KAZN: variants seen among roughly 807,000 people sequenced by gnomAD.
KAZN encodes the protein kazrin.
A neutral mutation model predicts 87.4 loss-of-function variants in KAZN; 40 were observed. The observed-to-expected ratio is 0.46, with a 90% CI of 0.36 to 0.60. KAZN has a LOEUF of 0.60. KAZN is among the 20% of genes least tolerant of loss of function. The pLI is 0.00. For missense variants in KAZN, 898 were observed against 1,073.9 expected, an observed-to-expected ratio of 0.84 and a Z score of 2.29; for synonymous variants, 466 against 458.3, an observed-to-expected ratio of 1.02 and a Z score of -0.22.
At position 15,104,061 on chromosome 1, in the gene KAZN, TGC is replaced by T. The variant is rs1641207124; in HGVS notation, c.1921_1922del (p.Ala641CysfsTer50). 1 of 1,613,636 alleles carries T rather than the reference TGC, an allele frequency of 6.2e-7. No homozygotes were observed. The highest frequency in any genetic ancestry group is 8.5e-7 in the Non-Finnish European group (1 of 1,179,846). ...DNLTNSGVHG[A>X]VLVLEPTFNA... Reference sequence around the variant, plus strand: ...ACCTGACCAACAGCGGCGTCCATGGTGCTGTGCTGGTGCTGGAGCCCACATTC... The same window carrying T: ...ACCTGACCAACAGCGGCGTCCATGGTTGTGCTGGTGCTGGAGCCCACATTC... On this transcript the variant is annotated frameshift_variant, in exon 13 of 15. Transcript: ENST00000376030. LOFTEE classifies it high-confidence loss of function.
intron 1 of KAZN, among the ~76,000 whole-genome samples, chr1:14,655,256 G>C (rs1374584679): frequency 1.3e-5 from 2 of 152,148 alleles, no homozygotes; most frequent in Non-Finnish European, 2.9e-5. Flanking sequence ...TGGGAGGCTA[G>C]GGGGTGTTTA....
chr1:14,479,895 G>GAA (rs1464958637), intron 2 of KAZN, among the ~76,000 whole-genome samples: 106 of 152,158 alleles, frequency 7.0e-4, no homozygotes, highest in African/African-American at 2.5e-3. Flanking sequence ...AAAGTGTGGA[G>GAA]CATCTGTTCA....
intron 2 of KAZN, among the ~76,000 whole-genome samples, chr1:14,977,787 T>C (rs750912829): frequency 1.1e-4 from 17 of 152,124 alleles, no homozygotes; most frequent in Non-Finnish European, 2.2e-4. Context: ...CAAGCAGTTT[T>C]CTGGTGGGAG....
chr1:14,181,235 C>T (rs1300014623), intron 2 of KAZN, among the ~76,000 whole-genome samples: 1 of 152,172 alleles, frequency 6.6e-6, no homozygotes, highest in Non-Finnish European at 1.5e-5. Context: ...GTTAGGGAAG[C>T]CAAACTGAGC....
chr1:14,411,318 C>T (rs573983989), intron 2 of KAZN, among the ~76,000 whole-genome samples: 1 of 152,024 alleles, frequency 6.6e-6, no homozygotes, highest in Non-Finnish European at 1.5e-5. Flanking sequence ...TTTTTGAGAC[C>T]GAGTCTCGCT....
intron 1 of KAZN, among the ~76,000 whole-genome samples, chr1:14,601,535 GTGGTCTGGTAGTTTCTTT>G (rs771816477): frequency 7.4e-4 from 112 of 152,130 alleles, no homozygotes; most frequent in Admixed American, 5.1e-3. Flanking sequence ...CTCTGCAGAG[GTGGTCTGGTAGTTTCTTT>G]TGCCATTGCT....
rs1003590230 is a variant in KAZN at position 15,067,823 on chromosome 1, G to A, written c.1222+2070G>A. The stretch of plus-strand genomic sequence containing the variant: ...GACCCAAGCTGGCATCTTTCTCTAC[G>A]GAGACAGATTTTAGAAAATACTTTT... On this transcript the variant is annotated intron_variant, in intron 8 of 14. Transcript: ENST00000376030. The A allele has an allele frequency of 1.5e-5, 15 of 982,890 alleles. No homozygotes were observed. The African/African-American group carries it at 2.3e-4, about 15-fold the overall frequency. The allele number at this position is 982,890 out of a possible 1,614,324, so 60.9% of individuals were successfully genotyped here.
chr1:14,910,986 C>T lies in KAZN; in HGVS notation c.227-49698C>T, dbSNP rs904340821. 3.5e-4 allele frequency among the ~76,000 whole-genome samples: 53 copies of T among 152,210 alleles called. 2 individuals carry two copies. ...CCTTTCCTATAGACCAAGCTTCCAT[C>T]CCGGAGGCATGGGCAGCTCACACCA... On this transcript the variant is annotated intron_variant, in intron 1 of 14. Transcript: ENST00000376030.
At chr1:14,423,202 G>C (rs1232985124) in intron 2 of KAZN, among the ~76,000 whole-genome samples, 1 of 152,176 alleles carries the variant, frequency 6.6e-6, no homozygotes, top group Non-Finnish European at 1.5e-5. Flanking sequence ...TCTGGACTGA[G>C]AGACAGGAAG....
intron 1 of KAZN, among the ~76,000 whole-genome samples, chr1:14,901,207 A>G (rs1467474295): frequency 6.6e-6 from 1 of 152,200 alleles, no homozygotes; most frequent in Non-Finnish European, 1.5e-5. Flanking sequence ...CTGGCACCTG[A>G]CGTAGACCTG....
chr1:14,168,180 A>G (rs1229271443), intron 1 of KAZN, among the ~76,000 whole-genome samples: 1 of 152,224 alleles, frequency 6.6e-6, no homozygotes, highest in Non-Finnish European at 1.5e-5. Context: ...CGCTGGCTAC[A>G]TGATTTTGTC....
chr1:15,060,601 G>A (rs539706110), intron 6 of KAZN: 16 of 392,130 alleles, frequency 4.1e-5, no homozygotes, highest in African/African-American at 1.2e-4. Context: ...GTCTGGGACC[G>A]TGGGCTTCTC....
intron 2 of KAZN, among the ~76,000 whole-genome samples, chr1:14,507,587 A>G (rs966211209): frequency 6.6e-6 from 1 of 152,182 alleles, no homozygotes; most frequent in Admixed American, 6.5e-5. Flanking sequence ...CAGAGTGCAT[A>G]TAAGATTTTG....
In KAZN at chr1:14,076,198, G is replaced by A. The variant is rs182149142; in HGVS notation, c.92-104237G>A. Among the ~76,000 whole-genome samples, 437 of 152,046 alleles carry A rather than the reference G, an allele frequency of 2.9e-3. 5 individuals are homozygous for A. The highest frequency in any genetic ancestry group is 0.01 in the African/African-American group (422 of 41,488). ...CGGGAGGCTGAGGCAGGAGAATGGC[G>A]TGAACCCGGGAGGTGGAGGTTGCGG... On this transcript the variant is annotated intron_variant, in intron 1 of 16. Transcript: ENST00000636203.
At chr1:14,831,100 G>C (rs928626389) in intron 1 of KAZN, among the ~76,000 whole-genome samples, 1 of 152,146 alleles carries the variant, frequency 6.6e-6, no homozygotes, top group Non-Finnish European at 1.5e-5. Context: ...CCTCAGGTGA[G>C]CCACCTGCCT....
rs112004019 is a variant in KAZN, at chr1:14,186,960, G to T, written c.249+6368G>T. On this transcript the variant is annotated intron_variant, in intron 2 of 16. Transcript: ENST00000636203. ...AATACTGATGACAGCGTACATGGGG[G>T]CTGTGGAATCTCGGAGAAGGACCTA... 4.4e-3 allele frequency among the ~76,000 whole-genome samples: 664 copies of T among 152,216 alleles called. 3 individuals carry two copies. The highest frequency in any genetic ancestry group is 0.015 in the African/African-American group (624 of 41,532).
intron 1 of KAZN, among the ~76,000 whole-genome samples, chr1:14,731,305 T>C (rs61774076): frequency 0.14 from 20,552 of 152,162 alleles, 1,440 homozygotes; most frequent in Non-Finnish European, 0.15. Context: ...AACTCAGTTA[T>C]TTAAGGAAAA....
intron 1 of KAZN, among the ~76,000 whole-genome samples, chr1:14,713,677 T>C (rs1642609025): frequency 6.7e-6 from 1 of 149,428 alleles, no homozygotes; most frequent in African/African-American, 2.5e-5. Flanking sequence ...CAGTGGCTTA[T>C]GCCTGTAATC....
At chr1:14,260,704 T>C (rs1650945181) in intron 2 of KAZN, among the ~76,000 whole-genome samples, 1 of 152,184 alleles carries the variant, frequency 6.6e-6, no homozygotes, top group African/African-American at 2.4e-5. Flanking sequence ...CATTCCCACA[T>C]CAAATTCTGT....
Sources: allele counts gnomAD v4.1 joint callset (sites outside exome capture counted in the v4.1 genomes callset), GRCh38; gene constraint gnomAD v4.1.1; transcripts MANE v1.5; gene names NCBI Gene and HGNC (gene_info 2026-07-23, HGNC 2026-07-21).